The following TMED3 variants were observed in gnomAD, a reference collection of about 807,000 sequenced individuals.
TMED3 encodes the protein transmembrane p24 trafficking protein 3, also known as transmembrane emp24 domain-containing protein 3.
A neutral mutation model predicts 15.0 loss-of-function variants in TMED3; 9 were observed. That is an observed-to-expected ratio of 0.60 (90% CI 0.36 to 1.04). The LOEUF (loss-of-function observed/expected upper bound fraction) is 1.04. Ranked by LOEUF, TMED3 falls within the 50% of genes least tolerant of loss-of-function variation. The pLI is 0.01. For synonymous variants in TMED3, 117 were observed against 121.4 expected, an observed-to-expected ratio of 0.96 and a Z score of 0.24; for missense variants, 267 against 278.9, an observed-to-expected ratio of 0.96 and a Z score of 0.30.
intron 2 of TMED3, among the ~76,000 whole-genome samples, chr15:79,385,158 G>T (rs1893608121): frequency 6.6e-6 from 1 of 152,174 alleles, no homozygotes; most frequent in Non-Finnish European, 1.5e-5. Context: ...AGATGCCCTT[G>T]TGAGCCCACA....
At position 79,369,969 on chromosome 15, in the gene TMED3, T is replaced by C. The variant is rs79479484; in HGVS notation, c.418-41431T>C. Among the ~76,000 whole-genome samples, 82 of 152,362 alleles carry C rather than the reference T, an allele frequency of 5.4e-4. No individual in the cohort carries two copies. In the East Asian group the frequency reaches 8.7e-3, roughly 16 times the overall value. ...AGCAGGGCAGAAGTTGAGAGTTTCC[T>C]AGTGGGCATGCTTTGGTTTATAAAT... On this transcript the variant is annotated intron_variant, in intron 2 of 2. Coordinates refer to the TMED3 transcript ENST00000424155.
At chr15:79,388,907 T>G (rs1042947773) in intron 2 of TMED3, among the ~76,000 whole-genome samples, 3 of 152,146 alleles carry the variant, frequency 2.0e-5, no homozygotes, top group Admixed American at 1.3e-4. Flanking sequence ...GAATTATCTA[T>G]TCATGTCCTT....
chr15:79,345,217 T>C (rs1014762000), intron 2 of TMED3, among the ~76,000 whole-genome samples: 5 of 152,144 alleles, frequency 3.3e-5, no homozygotes, highest in Non-Finnish European at 5.9e-5. Flanking sequence ...ACTGGTGTCA[T>C]GGGGGTTTGT....
intron 2 of TMED3, among the ~76,000 whole-genome samples, chr15:79,334,852 T>C (rs188938950): frequency 7.1e-6 from 1 of 141,722 alleles, no homozygotes; most frequent in African/African-American, 2.4e-5. Flanking sequence ...GTAGAAGGGG[T>C]TATAATACAA....
At chr15:79,411,397 A>T in intron 2 of TMED3, 1 of 702,462 alleles carries the variant, frequency 1.4e-6, no homozygotes, top group South Asian at 1.5e-5. Context: ...TTGAACAATG[A>T]AGAGATTCAG....
chr15:79,322,179 GAAA>G lies in TMED3; in HGVS notation c.622_624del (p.Lys208del). The G allele has an allele frequency of 1.2e-6, 2 of 1,613,396 alleles. No individual in the cohort carries two copies. The highest frequency in any genetic ancestry group is 8.5e-7 in the Non-Finnish European group (1 of 1,179,826). On this transcript the variant is annotated inframe_deletion, in exon 3 of 3. Transcript: ENST00000299705. ...GCTACTGTTGAAAAGCTTCTTCACA[GAAA>G]AACGACCCATCAGCAGGGCAGTCCA...
downstream of TMED3, among the ~76,000 whole-genome samples, chr15:79,324,734 C>T (rs866129422): frequency 2.0e-5 from 3 of 152,128 alleles, no homozygotes; most frequent in Admixed American, 6.5e-5. Context: ...AGGCTATTTG[C>T]ATCTGGATTT....
chr15:79,377,644 C>CTTTT (rs71150905), intron 2 of TMED3, among the ~76,000 whole-genome samples: 147 of 123,562 alleles, frequency 1.2e-3, no homozygotes, highest in African/African-American at 2.8e-3. Flanking sequence ...ACAAACCGTT[C>CTTTT]TTTTTTTTTT....
At chr15:79,398,130 T>C (rs144999130) in intron 2 of TMED3, among the ~76,000 whole-genome samples, 98 of 152,254 alleles carry the variant, frequency 6.4e-4, no homozygotes, top group African/African-American at 2.3e-3. Flanking sequence ...ACCTCTGCGC[T>C]CTACCTATTC....
At chr15:79,355,459 T>G (rs925285395) in intron 2 of TMED3, among the ~76,000 whole-genome samples, 5 of 152,010 alleles carry the variant, frequency 3.3e-5, no homozygotes, top group African/African-American at 7.3e-5. Context: ...CCCAAAGGAG[T>G]GACTCAGCCA....
chr15:79,387,593 T>TGC (rs1419205570), intron 2 of TMED3, among the ~76,000 whole-genome samples: 6 of 102,282 alleles, frequency 5.9e-5, no homozygotes, highest in African/African-American at 1.4e-4. Context: ...CACATGCACC[T>TGC]GCACACACAC....
chr15:79,351,277 C>T (rs1293546783), intron 2 of TMED3, among the ~76,000 whole-genome samples: 2 of 152,152 alleles, frequency 1.3e-5, no homozygotes, highest in Non-Finnish European at 2.9e-5. Context: ...GATGTTGAAC[C>T]AGAACTGAAT....
At chr15:79,343,758 A>G (rs925982961) in intron 2 of TMED3, among the ~76,000 whole-genome samples, 25 of 152,200 alleles carry the variant, frequency 1.6e-4, no homozygotes, top group Admixed American at 4.6e-4. Context: ...GAGGCACAAA[A>G]GAAAGAAAGG....
intron 2 of TMED3, among the ~76,000 whole-genome samples, chr15:79,407,809 C>T (rs1018645200): frequency 1.3e-5 from 2 of 152,088 alleles, no homozygotes; most frequent in Admixed American, 6.6e-5. Flanking sequence ...CTGCTTTGCC[C>T]GAGAGCCAAT....
intron 2 of TMED3, among the ~76,000 whole-genome samples, chr15:79,394,723 T>C (rs987989903): frequency 6.6e-6 from 1 of 152,196 alleles, no homozygotes; most frequent in East Asian, 1.9e-4. Context: ...CAACTAAGAA[T>C]AGAGAATAAT....
intron 2 of TMED3, among the ~76,000 whole-genome samples, chr15:79,395,769 C>A (rs1893755327): frequency 6.6e-6 from 1 of 152,140 alleles, no homozygotes; most frequent in African/African-American, 2.4e-5. Flanking sequence ...TTTAAATACA[C>A]CCTTTTATAG....
rs2141209827 is a variant in TMED3 at position 79,311,186 on chromosome 15, T to C, written c.-64T>C. Reference sequence around the variant, plus strand: ...CCTCCTAGGACCCGGTCGGTAGTCGTCGCCCCAGCCCGCCGGGGGCGCAGC... The same window carrying C: ...CCTCCTAGGACCCGGTCGGTAGTCGCCGCCCCAGCCCGCCGGGGGCGCAGC... On this transcript the variant is annotated 5_prime_UTR_variant, in exon 1 of 3. Coordinates refer to ENST00000299705, the MANE Select transcript of TMED3 (RefSeq NM_007364.4). The C allele has an allele frequency of 6.6e-7, 1 of 1,510,700 alleles. No individual in the cohort carries two copies. The highest frequency in any genetic ancestry group is 8.8e-7 in the Non-Finnish European group (1 of 1,134,106). 93.6% of individuals were successfully genotyped at this position (1,510,700 alleles called of 1,614,324 possible). A position where few individuals can be genotyped will look rare whatever the true frequency, so the allele number is the denominator to read the frequency against.
intron 2 of TMED3, among the ~76,000 whole-genome samples, chr15:79,364,353 G>A (rs932482869): frequency 2.0e-5 from 3 of 152,118 alleles, no homozygotes; most frequent in East Asian, 3.9e-4. Flanking sequence ...GCACTTGTGG[G>A]CCAGGTCGGA....
chr15:79,383,913 TC>T, intron 2 of TMED3: 1 of 152,348 alleles, frequency 6.6e-6, no homozygotes, highest in Admixed American at 6.5e-5. Context: ...TTTGGGTTAA[TC>T]CTTTACTGCA....
Sources: gnomAD v4.1 joint callset for allele counts (sites outside exome capture counted in the v4.1 genomes callset) on GRCh38, gnomAD v4.1.1 for gene constraint, MANE v1.5 for transcripts, NCBI Gene and HGNC (gene_info 2026-07-23, HGNC 2026-07-21) for gene names.